The following CLCN4 variants were observed in gnomAD, a reference collection of about 807,000 sequenced individuals.
The protein encoded by CLCN4 is H(+)/Cl(-) exchange transporter 4.
Under a neutral mutation model 41.7 loss-of-function variants are expected in CLCN4, and 1 was observed. That is an observed-to-expected ratio of 0.02 (90% CI 0.01 to 0.11). CLCN4 has a LOEUF of 0.11. CLCN4 is among the 10% of genes least tolerant of loss of function. CLCN4 has a pLI of 1.00. For synonymous variants in CLCN4, 277 were observed against 285.8 expected (o/e 0.97, Z 0.31); for missense variants, 287 against 661.0 (o/e 0.43, Z 6.20).
intron 2 of CLCN4, among the ~76,000 whole-genome samples, chrX:10,180,220 A>T (rs913279508): frequency 2.7e-5 from 3 of 111,695 alleles, no homozygotes; most frequent in African/African-American, 6.5e-5. Context: ...TGTGTGTTTT[A>T]AAAAAATAGC....
chrX:10,186,952 A>T (rs940837562), intron 3 of CLCN4, among the ~76,000 whole-genome samples: 1 of 111,797 alleles, frequency 8.9e-6, no homozygotes, highest in African/African-American at 3.3e-5. Flanking sequence ...CCACTGCTCT[A>T]AAAGGCCGTG....
At chrX:10,179,982 G>C (rs1007164581) in intron 2 of CLCN4, among the ~76,000 whole-genome samples, 3 of 111,934 alleles carry the variant, frequency 2.7e-5, no homozygotes, top group Non-Finnish European at 3.8e-5. Context: ...TAACCAGTAT[G>C]CGTGTGATGC....
chrX:10,224,293 CGTGTGTGTGTGTGTGTGTGTGTGTGTGT>C (rs772983564), intron 12 of CLCN4, among the ~76,000 whole-genome samples: 1 of 87,904 alleles, frequency 1.1e-5, no homozygotes, highest in East Asian at 3.8e-4. Flanking sequence ...GGGAGGGTTC[CGTGTGTGTGTGTGTGTGTGTGTGTGTGT>C]GTGTGTGTGT....
intron 4 of CLCN4, among the ~76,000 whole-genome samples, chrX:10,194,138 C>A (rs1924036769): frequency 9.1e-6 from 1 of 109,581 alleles, no homozygotes; most frequent in Non-Finnish European, 1.9e-5. Context: ...GTGCTGATGC[C>A]AGGTGTGGAT....
rs139365114 is a variant in CLCN4 at position 10,185,083 on chromosome X, C to G, written c.51C>G (p.Leu17=). The stretch of plus-strand genomic sequence containing the variant: ...GCTCTGGAAACCTGATGGATTTCCT[C>G]GATGAGCCGTTCCCTGATGTGGGGA... ...MSGSGNLMDF[L]DEPFPDVGTY... The change falls in exon 3 of 13, where the codon CTC becomes CTG. Residue 17 remains leucine, a synonymous_variant. Transcript: ENST00000380833. The G allele has an allele frequency of 4.1e-6, 5 of 1,209,017 alleles. No individual in the cohort carries two copies. Among genetic ancestry groups the G allele is most frequent in the Admixed American group, 4.4e-5 (2 of 45,904 alleles).
At chrX:10,187,681 C>G (rs151327212) in intron 4 of CLCN4, 67 bp downstream of exon 4, 1 of 850,018 alleles carries the variant, frequency 1.2e-6, no homozygotes, top group East Asian at 3.1e-5. Flanking sequence ...AACACGAACC[C>G]TCTGGGAGAT....
chrX:10,208,633 T>C (rs752645704), intron 9 of CLCN4, 43 bp downstream of exon 9: 28 of 1,108,445 alleles, frequency 2.5e-5, no homozygotes, highest in Middle Eastern at 2.6e-4. Context: ...CCCATGTCCT[T>C]CTGGGGACAG....
chrX:10,227,677 C>T (rs182595573), intron 12 of CLCN4, among the ~76,000 whole-genome samples: 1 of 111,775 alleles, frequency 8.9e-6, no homozygotes, highest in Non-Finnish European at 1.9e-5. Flanking sequence ...ATACCACAGT[C>T]CTTGGCAACC....
chrX:10,226,084 A>G (rs1924982651), intron 12 of CLCN4, among the ~76,000 whole-genome samples: 1 of 111,745 alleles, frequency 8.9e-6, no homozygotes, highest in Non-Finnish European at 1.9e-5. Flanking sequence ...ACAACAGAAT[A>G]TACATTCTTC....
At position 10,194,876 on chromosome X, in the gene CLCN4, C is replaced by T. The variant is rs377415287; in HGVS notation, c.245-35C>T. ...GTCTCATTCTTGTCGCATCATGGGG[C>T]GATTCCTCTTAGTGGCTCGTGTTAC... On this transcript the variant is annotated intron_variant, in intron 4 of 12. Coordinates refer to ENST00000380833, the MANE Select transcript of CLCN4 (RefSeq NM_001830.4). 8.9e-5 allele frequency: 106 copies of T among 1,193,432 alleles called. 1 individual carries two copies. In the African/African-American group the frequency reaches 1.7e-3, roughly 20 times the overall value.
intron 2 of CLCN4, among the ~76,000 whole-genome samples, chrX:10,165,742 T>G (rs925116339): frequency 8.9e-6 from 1 of 112,298 alleles, no homozygotes; most frequent in Non-Finnish European, 1.9e-5. Flanking sequence ...GAGGTGCTGG[T>G]TGGGTGAAAA....
intron 6 of CLCN4, 109 bp from the exon 7 acceptor site, chrX:10,206,249 T>G: frequency 1.9e-6 from 1 of 531,769 alleles, no homozygotes; most frequent in Non-Finnish European, 3.2e-6. Context: ...TGTTCCATGC[T>G]ATTGAGTGAA....
chrX:10,224,589 T>A (rs762817037), intron 12 of CLCN4, among the ~76,000 whole-genome samples: 19 of 111,071 alleles, frequency 1.7e-4, no homozygotes, highest in Middle Eastern at 4.6e-3. Flanking sequence ...TTTTCTTTTT[T>A]AATTTAATTT....
intron 8 of CLCN4, among the ~76,000 whole-genome samples, chrX:10,207,077 G>T (rs1196389440): frequency 9.1e-6 from 1 of 110,381 alleles, no homozygotes; most frequent in Non-Finnish European, 1.9e-5. Flanking sequence ...ACGCCACCAC[G>T]CCTGGCTCAT....
chrX:10,181,274 G>A (rs748270270), intron 2 of CLCN4, among the ~76,000 whole-genome samples: 15 of 110,030 alleles, frequency 1.4e-4, no homozygotes, highest in South Asian at 4.0e-4. Context: ...CAGGAGGATC[G>A]CTTGAGTCTG....
At chrX:10,192,244 T>TACAC (rs56033729) in intron 4 of CLCN4, among the ~76,000 whole-genome samples, 4,205 of 100,421 alleles carry the variant, frequency 0.042, 215 homozygotes, top group African/African-American at 0.13. Context: ...CTAGTGGAAG[T>TACAC]ACACACACAC....
chrX:10,195,322 T>C (rs1177830355), intron 5 of CLCN4, among the ~76,000 whole-genome samples: 1 of 111,328 alleles, frequency 9.0e-6, no homozygotes, highest in Non-Finnish European at 1.9e-5. Flanking sequence ...TGCATATATA[T>C]ATATATATAC....
At chrX:10,198,117 A>G (rs1569228409) in intron 6 of CLCN4, 56 bp downstream of exon 6, 1 of 1,130,112 alleles carries the variant, frequency 8.8e-7, no homozygotes, top group African/African-American at 1.8e-5. Flanking sequence ...ATTCTTCTGT[A>G]GCACTGTCAT....
intron 6 of CLCN4, among the ~76,000 whole-genome samples, chrX:10,200,076 A>G: frequency 8.9e-6 from 1 of 112,022 alleles, no homozygotes; most frequent in East Asian, 2.8e-4. Flanking sequence ...TGTTTTATAT[A>G]GAGACGAGGT....
Sources: allele counts gnomAD v4.1 joint callset (sites outside exome capture counted in the v4.1 genomes callset), GRCh38; gene constraint gnomAD v4.1.1; transcripts MANE v1.5; gene names NCBI Gene and HGNC (gene_info 2026-07-23, HGNC 2026-07-21).